TBCD: variants seen among roughly 807,000 people sequenced by gnomAD.
TBCD encodes the protein tubulin-specific chaperone D.
Under a neutral mutation model 169.3 loss-of-function variants are expected in TBCD, and 105 were observed. The ratio of observed to expected loss-of-function variants is 0.62; its 90% confidence interval spans 0.53 to 0.73. The LOEUF (loss-of-function observed/expected upper bound fraction) is 0.73, where lower values mean the gene tolerates loss of function less well. TBCD is among the 30% of genes least tolerant of loss of function. The probability of loss-of-function intolerance (pLI) is 0.00; values close to 1 mark genes in which losing one functional copy is unlikely to be tolerated. For synonymous variants in TBCD, 700 were observed against 643.9 expected (o/e 1.09, Z -1.32); for missense variants, 1,444 against 1,600.1 (o/e 0.90, Z 1.66).
At chr17:82,764,103 G>A (rs2143955153) in intron 3 of TBCD, 41 bp downstream of exon 3, 1 of 1,480,032 alleles carries the variant, frequency 6.8e-7, no homozygotes, top group South Asian at 1.2e-5. Context: ...AGATACTTTT[G>A]TAATATACTT....
Position 82,923,556 on chromosome 17 carries a change from G to C in TBCD, c.2179-96G>C, listed in dbSNP as rs1259186618. On this transcript the variant is annotated intron_variant, in intron 25 of 38. Coordinates refer to ENST00000355528, the MANE Select transcript of TBCD (RefSeq NM_005993.5). The surrounding 1 kb of genome is among the most constrained non-coding windows in gnomAD (Gnocchi z 4.6). The stretch of plus-strand genomic sequence containing the variant: ...AGGGTGACCACGGTGTCCCTGGTCA[G>C]GTGCTTCTCCGACTTCAGAGTGACC... 9.9e-7 allele frequency: 1 copy of C among 1,010,596 alleles called. No homozygotes were observed. Among genetic ancestry groups the C allele is most frequent in the Non-Finnish European group, 1.5e-6 (1 of 673,088 alleles). 62.6% of individuals were successfully genotyped at this position (1,010,596 alleles called of 1,614,324 possible). A position where few individuals can be genotyped will look rare whatever the true frequency, so the allele number is the denominator to read the frequency against.
At position 82,754,108 on chromosome 17, in the gene TBCD, C is replaced by T. The variant is rs554837335; in HGVS notation, c.184+1731C>T. 2.6e-4 allele frequency among the ~76,000 whole-genome samples: 40 copies of T among 151,690 alleles called. 1 individual carries two copies. In the South Asian group the frequency reaches 8.4e-3, roughly 32 times the overall value. ...GCCAGGATGGTCTCGATCTCCTGAC[C>T]TCGTGATCCACCCGCCTCAGCCTCC... On this transcript the variant is annotated intron_variant, in intron 1 of 38. Transcript: ENST00000355528.
At chr17:82,768,647 G>A in intron 5 of TBCD, 81 bp downstream of exon 5, 1 of 1,484,320 alleles carries the variant, frequency 6.7e-7, no homozygotes, top group Non-Finnish European at 9.2e-7. Flanking sequence ...GGTTTACTCG[G>A]TAAGCTTCTG....
chr17:82,818,758 G>A (rs1387306415), intron 13 of TBCD, among the ~76,000 whole-genome samples: 2 of 152,184 alleles, frequency 1.3e-5, no homozygotes, highest in Non-Finnish European at 2.9e-5. Context: ...GTGGTTCTCT[G>A]TCAGTTTGGT....
In TBCD at chr17:82,845,195, C is replaced by T. The variant is rs2054907068; in HGVS notation, c.1319-25029C>T. On this transcript the variant is annotated intron_variant, in intron 13 of 38. Transcript: ENST00000355528. ...GGTTGAGCTTTCCTAGTTTCCAGGT[C>T]GGGGGTGAGGCACAGGACATGGCCG... Among the ~76,000 whole-genome samples the T allele has an allele frequency of 5.3e-5, 8 of 152,288 alleles. No homozygotes were observed. The South Asian group carries it at 1.7e-3, about 32-fold the overall frequency.
In TBCD at chr17:82,764,068, A is replaced by G; in HGVS notation, c.333+6A>G. ...TTCTTTACATCATCACCAAGGTAAC[A>G]TTTCCATAGCACTTCAGAGTTGACA... On this transcript the variant is annotated splice_donor_region_variant and intron_variant, in intron 3 of 38. Transcript: ENST00000355528. 6.2e-7 allele frequency: 1 copy of G among 1,607,262 alleles called. No homozygotes were observed. The highest frequency in any genetic ancestry group is 1.3e-5 in the African/African-American group (1 of 74,950).
At chr17:82,857,484 C>G (rs1167414409) in intron 13 of TBCD, among the ~76,000 whole-genome samples, 1 of 151,880 alleles carries the variant, frequency 6.6e-6, no homozygotes, top group Non-Finnish European at 1.5e-5. Flanking sequence ...TGTTTTAATT[C>G]CCTCTTTTCA....
chr17:82,902,935 G>A (rs568157497), intron 18 of TBCD, among the ~76,000 whole-genome samples: 2 of 152,204 alleles, frequency 1.3e-5, no homozygotes, highest in Admixed American at 6.5e-5. Context: ...TCCTGGGTCA[G>A]CCTTTCGCGG....
Position 82,923,869 on chromosome 17 carries a change from C to T in TBCD, c.2260+136C>T, listed in dbSNP as rs887704005. ...CGATCATGGCTGGAGTGGGACTGTT[C>T]GGGTCTCAGGTTCCCAGCCGAGGAG... On this transcript the variant is annotated intron_variant, in intron 26 of 38. Transcript: ENST00000355528. This position sits in a 1 kb window ranked among gnomAD's most constrained non-coding sequence, Gnocchi z 4.6. 30 of 704,818 alleles carry T rather than the reference C, an allele frequency of 4.3e-5. No individual in the cohort carries two copies. Among genetic ancestry groups the T allele is most frequent in the African/African-American group, 3.8e-4 (21 of 55,190 alleles). The allele number at this position is 704,818 out of a possible 1,614,324, so 43.7% of individuals were successfully genotyped here. A position where few individuals can be genotyped will look rare whatever the true frequency, so the allele number is the denominator to read the frequency against.
At position 82,832,901 on chromosome 17, in the gene TBCD, T is replaced by G. The variant is rs1401783919; in HGVS notation, c.1318+17967T>G. On this transcript the variant is annotated intron_variant, in intron 13 of 38. Transcript: ENST00000355528. The surrounding 1 kb of genome is among the most constrained non-coding windows in gnomAD (Gnocchi z 4.9). ...CGGGGCCTAGAGGTGGAGTGTGGTGTGTGGTGCGTTGAGTGTCTGTTCTGA... is the reference window on the plus strand; with the variant it reads ...CGGGGCCTAGAGGTGGAGTGTGGTGGGTGGTGCGTTGAGTGTCTGTTCTGA... Among the ~76,000 whole-genome samples, 3 of 152,150 alleles carry G rather than the reference T, an allele frequency of 2.0e-5. No homozygotes were observed. The highest frequency in any genetic ancestry group is 4.4e-5 in the Non-Finnish European group (3 of 68,024).
chr17:82,911,079 G>A (rs950288465), intron 22 of TBCD, among the ~76,000 whole-genome samples: 2 of 152,200 alleles, frequency 1.3e-5, no homozygotes, highest in Non-Finnish European at 2.9e-5. Flanking sequence ...GGCCTGGAGG[G>A]CTCCTTCAGG....
chr17:82,764,163 T>TG, intron 3 of TBCD, 101 bp downstream of exon 3: 1 of 931,274 alleles, frequency 1.1e-6, no homozygotes. Context: ...AGATAGTTCT[T>TG]AGACACAAGT....
chr17:82,937,220 C>G, intron 34 of TBCD, 51 bp from the exon 35 acceptor site: 1 of 1,559,864 alleles, frequency 6.4e-7, no homozygotes, highest in Non-Finnish European at 8.8e-7. Context: ...AAGTGTGCAT[C>G]CCGGGGCTGC....
rs1295226293 is a variant in TBCD at position 82,752,088 on chromosome 17, C to G, written c.-106C>G. The G allele has an allele frequency of 7.9e-7, 1 of 1,266,520 alleles. No individual in the cohort carries two copies. The highest frequency in any genetic ancestry group is 1.0e-6 in the Non-Finnish European group (1 of 975,270). 78.5% of individuals were successfully genotyped at this position (1,266,520 alleles called of 1,614,324 possible). On this transcript the variant is annotated 5_prime_UTR_variant, in exon 1 of 39. Transcript: ENST00000355528. ...GGGCCAGCGTCGGTTGCCGCCTTAGCGGGCGCCTCCTTTTCATCCCTCATC... is the reference window on the plus strand; with the variant it reads ...GGGCCAGCGTCGGTTGCCGCCTTAGGGGGCGCCTCCTTTTCATCCCTCATC...
At chr17:82,842,900 C>T (rs1490325733) in intron 13 of TBCD, among the ~76,000 whole-genome samples, 1 of 151,638 alleles carries the variant, frequency 6.6e-6, no homozygotes, top group African/African-American at 2.4e-5. Context: ...CTTGCCTCAG[C>T]CTCCCAAGTA....
intron 21 of TBCD, chr17:82,908,546 A>G (rs1271355279): frequency 3.1e-5 from 10 of 324,480 alleles, no homozygotes. Flanking sequence ...ATTCTTTAAG[A>G]TTCAGCTCGG....
At position 82,930,341 on chromosome 17, in the gene TBCD, G is replaced by T; in HGVS notation, c.2992-181G>T. On this transcript the variant is annotated intron_variant, in intron 32 of 38. Transcript: ENST00000355528. This position sits in a 1 kb window ranked among gnomAD's most constrained non-coding sequence, Gnocchi z 5.2. ...GCCGAGAGCCTTGTGTCTGCTTCGG[G>T]TGTCTGCACTGTGAGTGGCTCCGTG... 2 of 784,466 alleles carry T rather than the reference G, an allele frequency of 2.5e-6. No homozygotes were observed. Among genetic ancestry groups the T allele is most frequent in the Non-Finnish European group, 3.9e-6 (2 of 512,322 alleles). 48.6% of individuals were successfully genotyped at this position (784,466 alleles called of 1,614,324 possible). A position where few individuals can be genotyped will look rare whatever the true frequency, so the allele number is the denominator to read the frequency against.
At chr17:82,829,992 G>GT (rs893095395) in intron 13 of TBCD, 14 of 1,253,262 alleles carry the variant, frequency 1.1e-5, no homozygotes, top group African/African-American at 9.1e-5. Context: ...GAATTGGAGG[G>GT]TTTTTTGTTT....
chr17:82,813,925 A>G (rs866575235), intron 12 of TBCD, among the ~76,000 whole-genome samples: 2 of 152,148 alleles, frequency 1.3e-5, no homozygotes, highest in Middle Eastern at 3.4e-3. Flanking sequence ...GCGGACAGGC[A>G]CTCTCCGATT....
Sources: allele counts gnomAD v4.1 joint callset (sites outside exome capture counted in the v4.1 genomes callset), GRCh38; gene constraint gnomAD v4.1.1; non-coding constraint Gnocchi (gnomAD v3.1); transcripts MANE v1.5; gene names NCBI Gene and HGNC (gene_info 2026-07-23, HGNC 2026-07-21).